Variants in PDK1 observed in about 807,000 individuals in gnomAD.
PDK1 encodes the protein pyruvate dehydrogenase kinase 1, also known as [Pyruvate dehydrogenase (acetyl-transferring)] kinase isozyme 1, mitochondrial.
PDK1 carries 39 observed loss-of-function variants against 54.2 expected under a neutral mutation model. The observed-to-expected ratio is 0.72, with a 90% CI of 0.56 to 0.94. PDK1 has a LOEUF of 0.94. PDK1 is among the 40% of genes least tolerant of loss of function. The pLI, the probability that PDK1 is intolerant of heterozygous loss-of-function variation, is 0.00. For missense variants in PDK1, 552 were observed against 566.0 expected (o/e 0.98, Z 0.25); for synonymous variants, 221 against 207.1 (o/e 1.07, Z -0.58).
At chr2:172,622,319 ATG>A in the PDK1 span, among the ~76,000 whole-genome samples, 2 of 137,986 alleles carry the variant, frequency 1.4e-5, no homozygotes, top group African/African-American at 6.2e-5. Context: ...CTCATATATT[ATG>A]TGAGATATGT....
At position 172,593,334 on chromosome 2, in the gene PDK1, C is replaced by T. The variant is rs111230209; in HGVS notation, c.1170+286C>T. Reference sequence around the variant, plus strand: ...ATACAAGTTTAATTTTAACATAAAACACATGAATGGACATTGATAACGCCA... The same window carrying T: ...ATACAAGTTTAATTTTAACATAAAATACATGAATGGACATTGATAACGCCA... On this transcript the variant is annotated intron_variant, in intron 10 of 10. Transcript: ENST00000282077. Among the ~76,000 whole-genome samples, 1,151 of 152,116 alleles carry T rather than the reference C, an allele frequency of 7.6e-3. 21 individuals carry two copies. The highest frequency in any genetic ancestry group is 0.026 in the African/African-American group (1,078 of 41,526).
chr2:172,557,218 T>C (rs1284526964), intron 1 of PDK1, among the ~76,000 whole-genome samples: 1 of 152,212 alleles, frequency 6.6e-6, no homozygotes, highest in African/African-American at 2.4e-5. Context: ...AAAATGACCC[T>C]AGTTCGAGGA....
At chr2:172,635,050 AAT>A in the PDK1 span, among the ~76,000 whole-genome samples, 1 of 152,184 alleles carries the variant, frequency 6.6e-6, no homozygotes, top group African/African-American at 2.4e-5. Flanking sequence ...TTTCATCAGA[AAT>A]AGTGAAATCT....
At chr2:172,619,991 C>T in the PDK1 span, among the ~76,000 whole-genome samples, 1 of 152,086 alleles carries the variant, frequency 6.6e-6, no homozygotes, top group Non-Finnish European at 1.5e-5. Flanking sequence ...ATGGCAAAAC[C>T]CCATCTCTAC....
rs1312125299 is a variant in PDK1, at chr2:172,608,427, A to C, written c.*12458A>C. On this transcript the variant is annotated 3_prime_UTR_variant, in exon 11 of 11. Coordinates refer to ENST00000282077, the MANE Select transcript of PDK1 (RefSeq NM_002610.5). ...TTGCAATGTCCATAAACTCAGAAGA[A>C]GTTAGTATTAACGGGGATATGAAAG... The C allele has an allele frequency of 6.7e-6, 1 of 149,714 alleles. No individual in the cohort carries two copies. Among genetic ancestry groups the C allele is most frequent in the African/African-American group, 2.5e-5 (1 of 39,892 alleles). The allele number at this position is 149,714 out of a possible 1,614,324, so 9.3% of individuals were successfully genotyped here.
chr2:172,562,205 TG>T lies in PDK1; in HGVS notation c.339-14del. On this transcript the variant is annotated splice_polypyrimidine_tract_variant and intron_variant, in intron 2 of 10. Coordinates refer to ENST00000282077, the MANE Select transcript of PDK1 (RefSeq NM_002610.5). The stretch of plus-strand genomic sequence containing the variant: ...ATATAAAAGAACAAACTTATCCTAT[TG>T]ATCTGCATTTTAGGTATATCCAGAG... The T allele has an allele frequency of 7.0e-7, 1 of 1,423,530 alleles. No homozygotes were observed. The highest frequency in any genetic ancestry group is 9.9e-7 in the Non-Finnish European group (1 of 1,013,192). The allele number at this position is 1,423,530 out of a possible 1,614,324, so 88.2% of individuals were successfully genotyped here. A position where few individuals can be genotyped will look rare whatever the true frequency, so the allele number is the denominator to read the frequency against.
At chr2:172,689,617 AACCAAAACAGCATGGTACTGGT>A in the PDK1 span, among the ~76,000 whole-genome samples, 3 of 152,190 alleles carry the variant, frequency 2.0e-5, no homozygotes, top group African/African-American at 7.2e-5. Context: ...AGGCCACAGT[AACCAAAACAGCATGGTACTGGT>A]ACCAAAACAG....
Position 172,603,448 on chromosome 2 carries a change from G to A in PDK1, c.*7479G>A, listed in dbSNP as rs549686373. On this transcript the variant is annotated 3_prime_UTR_variant, in exon 11 of 11. Transcript: ENST00000282077. ...CCTGATAATTGGCTAATGCAAGGAA[G>A]TGATACCCATGTGTAATGCTTATCT... 6.6e-6 allele frequency: 1 copy of A among 152,354 alleles called. No individual in the cohort carries two copies. The highest frequency in any genetic ancestry group is 6.5e-5 in the Admixed American group (1 of 15,302). 9.4% of individuals were successfully genotyped at this position (152,354 alleles called of 1,614,324 possible). A position where few individuals can be genotyped will look rare whatever the true frequency, so the allele number is the denominator to read the frequency against.
At chr2:172,718,404 A>C in the PDK1 span, among the ~76,000 whole-genome samples, 8 of 152,262 alleles carry the variant, frequency 5.3e-5, no homozygotes. Flanking sequence ...TTTCATTTTC[A>C]TGTAGATATA....
rs751608730 is a variant in PDK1, at chr2:172,602,376, A to G, written c.*6407A>G. 24 of 152,232 alleles carry G rather than the reference A, an allele frequency of 1.6e-4. No individual in the cohort carries two copies. Among genetic ancestry groups the G allele is most frequent in the Non-Finnish European group, 2.9e-4 (20 of 68,042 alleles). 9.4% of individuals were successfully genotyped at this position (152,232 alleles called of 1,614,324 possible). A position where few individuals can be genotyped will look rare whatever the true frequency, so the allele number is the denominator to read the frequency against. The stretch of plus-strand genomic sequence containing the variant: ...CTCTACAGATTAAAGGAGAAAAACT[A>G]TATGATCACATCAACAGAAACAGGA... On this transcript the variant is annotated 3_prime_UTR_variant, in exon 11 of 11. Transcript: ENST00000282077.
In PDK1 at chr2:172,562,803, A is replaced by G. The variant is rs759936859; in HGVS notation, c.410+512A>G. 3.1e-6 allele frequency: 5 copies of G among 1,611,578 alleles called. No individual in the cohort carries two copies. The East Asian group carries it at 6.7e-5, about 22-fold the overall frequency. Reference sequence around the variant, plus strand: ...TGCTGTATGGCCTGCAAGATGATGTAAGTAATATGACAATGTTAATAACCC... The same window carrying G: ...TGCTGTATGGCCTGCAAGATGATGTGAGTAATATGACAATGTTAATAACCC... On this transcript the variant is annotated intron_variant, in intron 3 of 10. Transcript: ENST00000282077.
At chr2:172,556,610 C>G in intron 1 of PDK1, 2 of 341,926 alleles carry the variant, frequency 5.8e-6, no homozygotes, top group Non-Finnish European at 1.1e-5. Flanking sequence ...CCTCCCGCCT[C>G]CCGGCGCACG....
chr2:172,613,862 C>A, the PDK1 span, among the ~76,000 whole-genome samples: 1 of 152,166 alleles, frequency 6.6e-6, no homozygotes, highest in East Asian at 1.9e-4. Context: ...CCCTCCTGCT[C>A]TACGGAGCAG....
At chr2:172,696,172 CA>C in the PDK1 span, among the ~76,000 whole-genome samples, 23,156 of 121,554 alleles carry the variant, frequency 0.19, 2,088 homozygotes, top group African/African-American at 0.31. Flanking sequence ...AACTCTGTCT[CA>C]AAAAAAAAAA....
chr2:172,624,611 G>C, the PDK1 span, among the ~76,000 whole-genome samples: 2 of 152,146 alleles, frequency 1.3e-5, no homozygotes, highest in African/African-American at 4.8e-5. Flanking sequence ...GAGATCATTT[G>C]AGTGGAGATG....
the PDK1 span, among the ~76,000 whole-genome samples, chr2:172,715,697 G>A: frequency 1.3e-5 from 2 of 152,062 alleles, no homozygotes; most frequent in African/African-American, 4.8e-5. Context: ...TTCCACCTTT[G>A]AGTGAAAGTT....
At chr2:172,572,998 T>C (rs1689365972) in intron 8 of PDK1, among the ~76,000 whole-genome samples, 1 of 152,228 alleles carries the variant, frequency 6.6e-6, no homozygotes, top group African/African-American at 2.4e-5. Context: ...CATTCATCAG[T>C]TGATAGACAT....
chr2:172,639,558 A>G, the PDK1 span, among the ~76,000 whole-genome samples: 1 of 152,248 alleles, frequency 6.6e-6, no homozygotes, highest in African/African-American at 2.4e-5. Context: ...AAAATATGCT[A>G]TGATTTTTGT....
intron 8 of PDK1, among the ~76,000 whole-genome samples, chr2:172,585,421 G>T (rs1284663570): frequency 1.4e-5 from 2 of 147,630 alleles, no homozygotes; most frequent in African/African-American, 5.2e-5. Context: ...CATCTCCTGG[G>T]TTCAAGCAAT....
Sources: allele counts gnomAD v4.1 joint callset (sites outside exome capture counted in the v4.1 genomes callset), GRCh38; gene constraint gnomAD v4.1.1; transcripts MANE v1.5; gene names NCBI Gene and HGNC (gene_info 2026-07-23, HGNC 2026-07-21).